The following CDH13 variants were observed in gnomAD, a reference collection of about 807,000 sequenced individuals.
The protein encoded by CDH13 is cadherin 13, also known as cadherin-13.
Under a neutral mutation model 63.8 loss-of-function variants are expected in CDH13, and 24 were observed. The observed-to-expected ratio is 0.38, with a 90% CI of 0.27 to 0.53. The LOEUF (loss-of-function observed/expected upper bound fraction) is 0.53. CDH13 is among the 20% of genes least tolerant of loss of function. CDH13 has a pLI of 0.85. For missense variants in CDH13, 1,049 were observed against 903.1 expected (o/e 1.16, Z -2.07); for synonymous variants, 503 against 355.3 (o/e 1.42, Z -4.67).
intron 5 of CDH13, among the ~76,000 whole-genome samples, chr16:83,287,613 C>G (rs1355483268): frequency 1.3e-5 from 2 of 152,182 alleles, no homozygotes; most frequent in Non-Finnish European, 2.9e-5. Context: ...ATGGGTCCCT[C>G]TAGTTGCAGG....
At chr16:82,898,298 G>A (rs1042168968) in intron 2 of CDH13, among the ~76,000 whole-genome samples, 4 of 152,162 alleles carry the variant, frequency 2.6e-5, no homozygotes, top group African/African-American at 7.2e-5. Flanking sequence ...GCCAAGGTGG[G>A]TGGATCACCC....
At chr16:83,688,198 T>C (rs139065737) in intron 10 of CDH13, among the ~76,000 whole-genome samples, 122 of 152,318 alleles carry the variant, frequency 8.0e-4, no homozygotes, top group African/African-American at 2.8e-3. Context: ...ACAAAAAATG[T>C]TGGGAAATTA....
chr16:82,792,932 C>T (rs889148918), intron 1 of CDH13, among the ~76,000 whole-genome samples: 17 of 150,844 alleles, frequency 1.1e-4, no homozygotes, highest in African/African-American at 3.2e-4. Context: ...CTTGGAGGGA[C>T]GACAGCATTG....
rs1904289108 is a variant in CDH13 at position 83,797,696 on chromosome 16, T to G, written c.*2666T>G. ...ATGCATTTTATCTGAGTCCAACTTA[T>G]TAAAAAACGAAGTCAAGTAAGGACC... On this transcript the variant is annotated 3_prime_UTR_variant, in exon 14 of 14. Coordinates refer to ENST00000567109, the MANE Select transcript of CDH13 (RefSeq NM_001257.5). 6.6e-6 allele frequency: 1 copy of G among 152,226 alleles called. No homozygotes were observed. The highest frequency in any genetic ancestry group is 6.5e-5 in the Admixed American group (1 of 15,278). 9.4% of individuals were successfully genotyped at this position (152,226 alleles called of 1,614,324 possible). A position where few individuals can be genotyped will look rare whatever the true frequency, so the allele number is the denominator to read the frequency against.
intron 3 of CDH13, among the ~76,000 whole-genome samples, chr16:83,063,126 T>C (rs2031715620): frequency 6.6e-6 from 1 of 152,144 alleles, no homozygotes; most frequent in African/African-American, 2.4e-5. Context: ...CACGTCTGGC[T>C]AATTTTTGTA....
intron 2 of CDH13, among the ~76,000 whole-genome samples, chr16:82,899,374 A>G (rs796819617): frequency 5.9e-5 from 9 of 152,334 alleles, no homozygotes; most frequent in African/African-American, 2.2e-4. Flanking sequence ...CAATACATCA[A>G]TGGTTTACGC....
chr16:83,313,648 A>C lies in CDH13; in HGVS notation c.637-31214A>C, dbSNP rs1280347040. Reference sequence around the variant, plus strand: ...CTCAAGAACCCTTACCATTGTAAAAAAAAAAAAAAAAAAAAAAAGGGAGGT... The same window carrying C: ...CTCAAGAACCCTTACCATTGTAAAACAAAAAAAAAAAAAAAAAAGGGAGGT... On this transcript the variant is annotated intron_variant, in intron 5 of 13. Coordinates refer to ENST00000567109, the MANE Select transcript of CDH13 (RefSeq NM_001257.5). Among the ~76,000 whole-genome samples, 4 of 148,456 alleles carry C rather than the reference A, an allele frequency of 2.7e-5. No homozygotes were observed. In the East Asian group the frequency reaches 8.3e-4, roughly 31 times the overall value.
At chr16:83,400,875 G>T (rs1287674967) in intron 6 of CDH13, among the ~76,000 whole-genome samples, 1 of 152,144 alleles carries the variant, frequency 6.6e-6, no homozygotes, top group Admixed American at 6.5e-5. Flanking sequence ...CTGTAAGCCA[G>T]TCTGTTAGTA....
chr16:83,201,502 A>C (rs908016898), intron 4 of CDH13, among the ~76,000 whole-genome samples: 3 of 152,290 alleles, frequency 2.0e-5, no homozygotes, highest in East Asian at 1.9e-4. Flanking sequence ...CCCATGTGGT[A>C]AGGTCCTGGC....
chr16:83,710,630 T>C (rs1598544104), intron 10 of CDH13: 1 of 152,216 alleles, frequency 6.6e-6, no homozygotes, highest in African/African-American at 2.4e-5. Flanking sequence ...TCCAGCCCTG[T>C]TACTGCCACT....
chr16:83,413,876 C>T (rs770654146), intron 6 of CDH13, among the ~76,000 whole-genome samples: 4 of 152,102 alleles, frequency 2.6e-5, no homozygotes, highest in African/African-American at 2.4e-5. Flanking sequence ...CCTGTAATCT[C>T]AGCTACTAGG....
chr16:82,866,443 C>G (rs1326577279), intron 2 of CDH13, among the ~76,000 whole-genome samples: 3 of 115,854 alleles, frequency 2.6e-5, no homozygotes, highest in Admixed American at 1.3e-4. Context: ...GGCTGGAGTG[C>G]AGTGGCACGA....
intron 1 of CDH13, among the ~76,000 whole-genome samples, chr16:82,708,494 C>T (rs2151002237): frequency 6.6e-6 from 1 of 152,284 alleles, no homozygotes; most frequent in East Asian, 1.9e-4. Context: ...TGTGAAGACT[C>T]CACTGTCTCT....
At chr16:82,671,062 G>T (rs1243181956) in intron 1 of CDH13, among the ~76,000 whole-genome samples, 2 of 152,162 alleles carry the variant, frequency 1.3e-5, no homozygotes, top group African/African-American at 4.8e-5. Context: ...CCTCATGCCA[G>T]CCTTTCGTGG....
At chr16:82,789,292 A>G (rs1343519215) in intron 1 of CDH13, among the ~76,000 whole-genome samples, 2 of 152,192 alleles carry the variant, frequency 1.3e-5, no homozygotes, top group Non-Finnish European at 2.9e-5. Context: ...ATTCAGTCTG[A>G]TTCCTTAAGC....
intron 4 of CDH13, among the ~76,000 whole-genome samples, chr16:83,212,421 C>G (rs937118392): frequency 6.6e-6 from 1 of 152,116 alleles, no homozygotes; most frequent in South Asian, 2.1e-4. Context: ...GGGACTTTCC[C>G]CACTCCACTT....
chr16:82,789,835 C>T (rs1027218764), intron 1 of CDH13, among the ~76,000 whole-genome samples: 2 of 152,158 alleles, frequency 1.3e-5, no homozygotes, highest in African/African-American at 2.4e-5. Context: ...GTTTCTATGA[C>T]TGACCAGCCT....
Position 83,678,288 on chromosome 16 carries a change from C to A in CDH13, c.1365C>A (p.Ser455=), listed in dbSNP as rs1915130342. The A allele has an allele frequency of 6.2e-7, 1 of 1,614,008 alleles. No homozygotes were observed. Among genetic ancestry groups the A allele is most frequent in the East Asian group, 2.2e-5 (1 of 44,864 alleles). Residue 455 remains serine (S), a synonymous_variant, in exon 10 of 14, where the codon TCC becomes TCA. Transcript: ENST00000567109. ...ENEDPLVPDV[S]YGPSSTATVH... is the part of the protein sequence containing the mutation. ...AAGACCCACTCGTACCCGACGTCTC[C>A]TACGGCCCCAGCTCCACAGCCACCG...
chr16:82,650,860 C>T (rs1021321353), intron 1 of CDH13, among the ~76,000 whole-genome samples: 6 of 152,086 alleles, frequency 3.9e-5, no homozygotes, highest in African/African-American at 1.4e-4. Flanking sequence ...GGTTGTAAGC[C>T]CAGTGGGGCA....
Sources: allele counts gnomAD v4.1 joint callset (sites outside exome capture counted in the v4.1 genomes callset), GRCh38; gene constraint gnomAD v4.1.1; transcripts MANE v1.5; gene names NCBI Gene and HGNC (gene_info 2026-07-23, HGNC 2026-07-21).